The following IARS1 variants were observed in gnomAD, a reference collection of about 807,000 sequenced individuals.
IARS1 encodes the protein isoleucine--tRNA ligase, cytoplasmic.
Under a neutral mutation model 168.2 loss-of-function variants are expected in IARS1, and 124 were observed. The observed-to-expected ratio is 0.74, with a 90% CI of 0.64 to 0.86. IARS1 has a LOEUF of 0.86. IARS1 is among the 40% of genes least tolerant of loss of function. The pLI, the probability that IARS1 is intolerant of heterozygous loss-of-function variation, is 0.00. For synonymous variants in IARS1, 532 were observed against 529.4 expected, an observed-to-expected ratio of 1.00 and a Z score of -0.07; for missense variants, 1,452 against 1,515.8, an observed-to-expected ratio of 0.96 and a Z score of 0.70.
At chr9:92,283,489 C>T (rs151246222) in intron 6 of IARS1, among the ~76,000 whole-genome samples, 4,657 of 152,062 alleles carry the variant, frequency 0.031, 112 homozygotes, top group South Asian at 0.079. Context: ...ACTAAAAATA[C>T]AAAACTTAGC....
At chr9:92,290,996 G>C (rs764560853) in intron 1 of IARS1, among the ~76,000 whole-genome samples, 26 of 152,080 alleles carry the variant, frequency 1.7e-4, no homozygotes, top group Non-Finnish European at 3.2e-4. Flanking sequence ...GCTTATTCAT[G>C]ATTTTTATGA....
Position 92,289,285 on chromosome 9 carries a change from T to A in IARS1, c.119+16A>T, listed in dbSNP as rs754890977. ...TGACTATTCTTAAGGGAACTTAACCTAAAAAATTCACATACTTTGGTTTAT... is the reference window on the plus strand; with the variant it reads ...TGACTATTCTTAAGGGAACTTAACCAAAAAAATTCACATACTTTGGTTTAT... On this transcript the variant is annotated intron_variant, in intron 2 of 33. Transcript: ENST00000443024. 2 of 1,054,028 alleles carry A rather than the reference T, an allele frequency of 1.9e-6. No homozygotes were observed. The highest frequency in any genetic ancestry group is 2.9e-6 in the Non-Finnish European group (2 of 686,064). The allele number at this position is 1,054,028 out of a possible 1,614,324, so 65.3% of individuals were successfully genotyped here.
intron 31 of IARS1, among the ~76,000 whole-genome samples, chr9:92,224,770 T>A (rs1298896508): frequency 4.6e-5 from 7 of 152,050 alleles, no homozygotes; most frequent in Admixed American, 3.9e-4. Flanking sequence ...AAGTTTGAGG[T>A]TACACTGAAC....
chr9:92,282,462 C>A (rs892465987), intron 6 of IARS1, among the ~76,000 whole-genome samples: 11 of 152,046 alleles, frequency 7.2e-5, no homozygotes, highest in Non-Finnish European at 1.5e-4. Flanking sequence ...CCACCATGCC[C>A]AGCTAATTTT....
In IARS1 at chr9:92,271,614, T is replaced by C. The variant is rs373447910; in HGVS notation, c.1032A>G (p.Lys344=). 5 of 1,613,988 alleles carry C rather than the reference T, an allele frequency of 3.1e-6. No homozygotes were observed. In the African/African-American group the frequency reaches 6.7e-5, roughly 22 times the overall value. ...CCACAGGGCAAACAGGGAGTGAGTCTTTCCGAATAATGTTAAAGTCCATAC... is the reference window on the plus strand; with the variant it reads ...CCACAGGGCAAACAGGGAGTGAGTCCTTCCGAATAATGTTAAAGTCCATAC... The part of the protein sequence containing the change: ...RVCMDFNIIR[K]DSLPVCPVDA... Residue 344 remains lysine, a synonymous_variant, in exon 11 of 34, where the codon AAA becomes AAG. Transcript: ENST00000443024.
intron 30 of IARS1, among the ~76,000 whole-genome samples, chr9:92,240,049 A>G (rs1318384434): frequency 1.3e-5 from 2 of 152,180 alleles, no homozygotes; most frequent in Non-Finnish European, 2.9e-5. Context: ...GGCAGAAAAG[A>G]AAACCCTGAA....
intron 20 of IARS1, among the ~76,000 whole-genome samples, chr9:92,254,676 TGAGGGAGTAAATGAACCCAA>T (rs1830473954): frequency 6.6e-6 from 1 of 152,170 alleles, no homozygotes; most frequent in African/African-American, 2.4e-5. Flanking sequence ...GTTTCAACTC[TGAGGGAGTAAATGAACCCAA>T]ATAGAACTCC....
intron 19 of IARS1, 22 bp downstream of exon 19, chr9:92,258,832 T>G: frequency 6.3e-7 from 1 of 1,582,414 alleles, no homozygotes; most frequent in Non-Finnish European, 8.6e-7. Context: ...CAGGTACATG[T>G]GCAGCCCCCT....
rs1829905555 is a variant in IARS1 at position 92,250,777 on chromosome 9, C to T, written c.2365G>A (p.Asp789Asn). The part of the protein sequence containing the change: ...LMYQNLKVLI[D>N]PVSVQDKDTL... ...TCCTTGTCCTGAACAGAAACAGGGT[C>T]AATCAGCACCTTTAGATTCTGGTAC... The change falls in exon 23 of 34, where the codon GAC becomes AAC. Residue 789 changes from aspartate (D) to asparagine (N), a missense_variant. Asp to Asn is a conservative substitution (Grantham distance 23, BLOSUM62 1). Transcript: ENST00000443024. 6.2e-7 allele frequency: 1 copy of T among 1,613,534 alleles called. No homozygotes were observed. The highest frequency in any genetic ancestry group is 1.3e-5 in the African/African-American group (1 of 74,912).
intron 33 of IARS1, among the ~76,000 whole-genome samples, chr9:92,217,443 T>C (rs1370223005): frequency 7.3e-6 from 1 of 137,378 alleles, no homozygotes; most frequent in Admixed American, 7.1e-5. Context: ...CTGAAGGAAA[T>C]AGAGACACAA....
At chr9:92,261,789 T>C (rs528719466) in intron 17 of IARS1, among the ~76,000 whole-genome samples, 5 of 152,114 alleles carry the variant, frequency 3.3e-5, no homozygotes, top group Admixed American at 3.3e-4. Context: ...CTCACTCTAT[T>C]ACCCAGGCTG....
In IARS1 at chr9:92,210,834, A is replaced by G; in HGVS notation, c.3762T>C (p.Ser1254=). ...AGAAGTCTGCTGTTGTTGGTAACAC[A>G]GAAACATACACAGTCTTCATATTCA... ...KTLNMKTVYV[S]VLPTTADF The change falls in exon 34 of 34, where the codon TCT becomes TCC. Residue 1254 remains serine (S), a synonymous_variant. Coordinates refer to ENST00000443024, the MANE Select transcript of IARS1 (RefSeq NM_002161.6). 1 of 1,611,576 alleles carries G rather than the reference A, an allele frequency of 6.2e-7. No individual in the cohort carries two copies.
At chr9:92,222,356 A>G (rs567441400) in intron 33 of IARS1, among the ~76,000 whole-genome samples, 164 bp downstream of exon 33, 114 of 151,062 alleles carry the variant, frequency 7.5e-4, no homozygotes, top group African/African-American at 2.5e-3. Context: ...AAAAAAAAAA[A>G]AAAAAAAAAG....
At chr9:92,256,046 G>A (rs1324404552) in intron 20 of IARS1, among the ~76,000 whole-genome samples, 1 of 151,830 alleles carries the variant, frequency 6.6e-6, no homozygotes, top group African/African-American at 2.4e-5. Context: ...GAAATTGACG[G>A]TCAGACTTCA....
chr9:92,250,920 T>G (rs1829925560), intron 22 of IARS1, 86 bp from the exon 23 acceptor site: 9 of 1,429,240 alleles, frequency 6.3e-6, no homozygotes, highest in Non-Finnish European at 8.5e-6. Context: ...CTAAACATGT[T>G]AGAGAATGAC....
At chr9:92,262,895 C>T in intron 17 of IARS1, 74 bp downstream of exon 17, 3 of 1,049,152 alleles carry the variant, frequency 2.9e-6, no homozygotes, top group Non-Finnish European at 4.5e-6. Flanking sequence ...ACAAAGTTGA[C>T]CGCTCTCACG....
chr9:92,229,764 T>A (rs992579060), intron 30 of IARS1, among the ~76,000 whole-genome samples: 1 of 152,168 alleles, frequency 6.6e-6, no homozygotes. Flanking sequence ...ACAACCAGCA[T>A]ATTGACACTG....
chr9:92,257,517 A>G (rs578071039), intron 19 of IARS1, among the ~76,000 whole-genome samples: 120 of 152,300 alleles, frequency 7.9e-4, no homozygotes, highest in African/African-American at 2.7e-3. Flanking sequence ...TGTTTGCCCT[A>G]CTTGGCAGAG....
At position 92,269,288 on chromosome 9, in the gene IARS1, T is replaced by G. The variant is rs556911388; in HGVS notation, c.1304+597A>C. Among the ~76,000 whole-genome samples the G allele has an allele frequency of 2.6e-5, 4 of 152,320 alleles. No individual in the cohort carries two copies. The East Asian group carries it at 7.7e-4, about 29-fold the overall frequency. On this transcript the variant is annotated intron_variant, in intron 13 of 33. Transcript: ENST00000443024. ...GGTCCTTGTGAGAAGTTAAGAGTGG[T>G]GATTACTTTTCAAACTTGTAGTGAA...
Sources: allele counts gnomAD v4.1 joint callset (sites outside exome capture counted in the v4.1 genomes callset), GRCh38; gene constraint gnomAD v4.1.1; transcripts MANE v1.5; gene names NCBI Gene and HGNC (gene_info 2026-07-23, HGNC 2026-07-21).